WWC1: variants seen among roughly 807,000 people sequenced by gnomAD.
The protein encoded by WWC1 is protein KIBRA.
WWC1 carries 55 observed loss-of-function variants against 138.4 expected under a neutral mutation model. The ratio of observed to expected loss-of-function variants is 0.40; its 90% confidence interval spans 0.32 to 0.50. The LOEUF (loss-of-function observed/expected upper bound fraction) is 0.50, where lower values mean the gene tolerates loss of function less well. Ranked by LOEUF, WWC1 falls within the 20% of genes least tolerant of loss-of-function variation. The probability of loss-of-function intolerance (pLI) is 0.72; values close to 1 mark genes in which losing one functional copy is unlikely to be tolerated. For synonymous variants in WWC1, 524 were observed against 564.9 expected (o/e 0.93, Z 1.03); for missense variants, 1,226 against 1,420.4 (o/e 0.86, Z 2.20).
At chr5:168,388,899 C>T (rs1383422696) in intron 3 of WWC1, among the ~76,000 whole-genome samples, 1 of 151,628 alleles carries the variant, frequency 6.6e-6, no homozygotes, top group African/African-American at 2.4e-5. Context: ...TGAATATGGT[C>T]CAGATTTTGC....
chr5:168,457,876 T>C, intron 19 of WWC1, among the ~76,000 whole-genome samples: 1 of 152,220 alleles, frequency 6.6e-6, no homozygotes. Flanking sequence ...CTTGGCACAT[T>C]TGTAGAATGA....
intron 8 of WWC1, 120 bp from the exon 9 acceptor site, chr5:168,414,228 C>A: frequency 7.1e-7 from 1 of 1,411,964 alleles, no homozygotes. Context: ...AGATGACAAG[C>A]TGATCAAAGG....
At chr5:168,405,148 G>C (rs927220739) in intron 5 of WWC1, among the ~76,000 whole-genome samples, 2 of 152,004 alleles carry the variant, frequency 1.3e-5, no homozygotes, top group African/African-American at 4.8e-5. Context: ...ACAACCTCAG[G>C]GTCATCCTAG....
At position 168,391,760 on chromosome 5, in the gene WWC1, CATATATATATATAT is replaced by C. The variant is rs70976481; in HGVS notation, c.434-5943_434-5930del. On this transcript the variant is annotated intron_variant, in intron 3 of 22. Coordinates refer to ENST00000265293, the MANE Select transcript of WWC1 (RefSeq NM_015238.3). ...TATCAGATAAAATATATTTTTAAGG[CATATATATATATAT>C]ATATATATATATATATATATGATTA... Among the ~76,000 whole-genome samples, 952 of 110,576 alleles carry C rather than the reference CATATATATATATAT, an allele frequency of 8.6e-3. 13 individuals are homozygous for C. The highest frequency in any genetic ancestry group is 0.012 in the Non-Finnish European group (683 of 55,906). The allele number at this position is 110,576 out of a possible 152,430, so 72.5% of individuals were successfully genotyped here.
At chr5:168,351,484 G>A (rs1156956465) in intron 1 of WWC1, among the ~76,000 whole-genome samples, 1 of 152,128 alleles carries the variant, frequency 6.6e-6, no homozygotes, top group African/African-American at 2.4e-5. Context: ...GTCTCGAAGC[G>A]ACTTCCACTC....
At chr5:168,404,195 A>G (rs1779608637) in intron 5 of WWC1, among the ~76,000 whole-genome samples, 1 of 152,172 alleles carries the variant, frequency 6.6e-6, no homozygotes, top group African/African-American at 2.4e-5. Flanking sequence ...CCCCCTCCCC[A>G]GAGTCCCCAG....
chr5:168,414,337 T>C lies in WWC1; in HGVS notation c.942-11T>C. The stretch of plus-strand genomic sequence containing the variant: ...AGGCACACCAGTCATGCTTGCTTTC[T>C]TGGCCCCCAGGATCGCCAACCTGAA... On this transcript the variant is annotated splice_polypyrimidine_tract_variant and intron_variant, in intron 8 of 22. Transcript: ENST00000265293. 3 of 1,612,630 alleles carry C rather than the reference T, an allele frequency of 1.9e-6. No individual in the cohort carries two copies. Among genetic ancestry groups the C allele is most frequent in the Non-Finnish European group, 2.5e-6 (3 of 1,179,596 alleles).
chr5:168,375,117 G>A (rs1777067716), intron 2 of WWC1, among the ~76,000 whole-genome samples: 1 of 152,126 alleles, frequency 6.6e-6, no homozygotes, highest in African/African-American at 2.4e-5. Flanking sequence ...CTGGAGTTTA[G>A]GAGAGAGGTC....
intron 20 of WWC1, among the ~76,000 whole-genome samples, chr5:168,462,150 C>T (rs768098999): frequency 1.3e-5 from 2 of 152,124 alleles, no homozygotes; most frequent in Admixed American, 1.3e-4. Flanking sequence ...AGGGGCAGGC[C>T]CCCCACCTTT....
At chr5:168,371,696 A>G (rs1219259327) in intron 2 of WWC1, among the ~76,000 whole-genome samples, 163 bp downstream of exon 2, 1 of 152,138 alleles carries the variant, frequency 6.6e-6, no homozygotes, top group Non-Finnish European at 1.5e-5. Context: ...ATATAGATAG[A>G]TAATGTATGC....
chr5:168,446,933 T>C (rs1009069), intron 17 of WWC1, among the ~76,000 whole-genome samples: 19,192 of 152,218 alleles, frequency 0.13, 1,557 homozygotes, highest in African/African-American at 0.24. Context: ...TGGTCTTAAG[T>C]GCATGTGCTT....
At chr5:168,448,085 T>C (rs1006233570) in intron 17 of WWC1, among the ~76,000 whole-genome samples, 6 of 152,140 alleles carry the variant, frequency 3.9e-5, no homozygotes, top group Non-Finnish European at 8.8e-5. Context: ...GGCCCCTGTC[T>C]CCACACCCCC....
chr5:168,359,707 A>G (rs1191079442), intron 1 of WWC1, among the ~76,000 whole-genome samples: 2 of 152,170 alleles, frequency 1.3e-5, no homozygotes. Flanking sequence ...TTTAACTCAC[A>G]TATCACTTGT....
intron 2 of WWC1, among the ~76,000 whole-genome samples, chr5:168,383,543 C>T (rs538908502): frequency 2.0e-5 from 3 of 152,246 alleles, no homozygotes; most frequent in South Asian, 2.1e-4. Context: ...CAGTGTTCCC[C>T]GGGCTAGGCA....
rs1272117064 is a variant in WWC1 at position 168,301,204 on chromosome 5, GAAAAA to G, written c.119+8936_119+8940del. 3.3e-5 allele frequency among the ~76,000 whole-genome samples: 5 copies of G among 152,100 alleles called. No homozygotes were observed. In the East Asian group the frequency reaches 9.6e-4, roughly 29 times the overall value. On this transcript the variant is annotated intron_variant, in intron 1 of 22. Transcript: ENST00000265293. The stretch of plus-strand genomic sequence containing the variant: ...GTGACAAGCTCATTTTTCCACTATG[GAAAAA>G]AATGTGTATGTGTTTGTTGTTCCAC...
intron 8 of WWC1, among the ~76,000 whole-genome samples, chr5:168,412,799 G>A (rs7729018): frequency 0.35 from 53,255 of 152,002 alleles, 12,200 homozygotes; most frequent in East Asian, 0.66. Flanking sequence ...ATTGTGTTGG[G>A]TATTATAAGT....
At chr5:168,369,409 G>A (rs2152806019) in intron 1 of WWC1, among the ~76,000 whole-genome samples, 1 of 152,216 alleles carries the variant, frequency 6.6e-6, no homozygotes, top group South Asian at 2.1e-4. Context: ...TGGTGGTGGT[G>A]GTGGTGTTTT....
Position 168,292,140 on chromosome 5 carries a change from A to C in WWC1, c.-13A>C. The C allele has an allele frequency of 1.3e-6, 2 of 1,533,118 alleles. No homozygotes were observed. The highest frequency in any genetic ancestry group is 1.8e-6 in the Non-Finnish European group (2 of 1,139,584). The allele number at this position is 1,533,118 out of a possible 1,614,324, so 95.0% of individuals were successfully genotyped here. ...GGGAGCTGCATGGGGGAGCGCCGGC[A>C]GCGCTTGGGAAGATGCCCCGGCCGG... On this transcript the variant is annotated 5_prime_UTR_variant, in exon 1 of 23. Coordinates refer to ENST00000265293, the MANE Select transcript of WWC1 (RefSeq NM_015238.3). The surrounding 1 kb of genome is among the most constrained non-coding windows in gnomAD (Gnocchi z 4.4).
At chr5:168,428,854 T>C in intron 13 of WWC1, 67 bp downstream of exon 13, 1 of 1,553,062 alleles carries the variant, frequency 6.4e-7, no homozygotes, top group East Asian at 2.3e-5. Context: ...ATCCACAGCG[T>C]TCCCCAGCAT....
Sources: gnomAD v4.1 joint callset for allele counts (sites outside exome capture counted in the v4.1 genomes callset) on GRCh38, gnomAD v4.1.1 for gene constraint, Gnocchi (gnomAD v3.1) non-coding constraint, MANE v1.5 for transcripts, NCBI Gene and HGNC (gene_info 2026-07-23, HGNC 2026-07-21) for gene names.